RSPH14: variants seen among roughly 807,000 people sequenced by gnomAD.
RSPH14 encodes radial spoke head 14 homolog, also known as rhabdoid tumor deletion region gene 1.
RSPH14 carries 20 observed loss-of-function variants against 26.7 expected under a neutral mutation model. That is an observed-to-expected ratio of 0.75 (90% CI 0.53 to 1.09). The LOEUF is 1.09. RSPH14 is among the 50% of genes least tolerant of loss of function. The pLI, the probability that RSPH14 is intolerant of heterozygous loss-of-function variation, is 0.00. For synonymous variants in RSPH14, 177 were observed against 189.3 expected, an observed-to-expected ratio of 0.93 and a Z score of 0.53; for missense variants, 449 against 457.2, an observed-to-expected ratio of 0.98 and a Z score of 0.16.
At chr22:23,130,810 G>A (rs1001821769) in intron 4 of RSPH14, among the ~76,000 whole-genome samples, 2 of 152,248 alleles carry the variant, frequency 1.3e-5, no homozygotes, top group African/African-American at 4.8e-5. Context: ...CACCAGGACA[G>A]GGACAGTAAA....
chr22:23,117,507 C>G (rs1280666668), intron 4 of RSPH14, among the ~76,000 whole-genome samples: 1 of 152,228 alleles, frequency 6.6e-6, no homozygotes, highest in East Asian at 1.9e-4. Context: ...GTAGCCTTCC[C>G]TCAGCTGCCT....
At chr22:23,156,005 G>A in the RSPH14 span, 60 of 1,612,640 alleles carry the variant, frequency 3.7e-5, no homozygotes, top group South Asian at 5.5e-5. Flanking sequence ...CAAGTGCATC[G>A]CATCTGCCTA....
the RSPH14 span, among the ~76,000 whole-genome samples, chr22:23,164,725 T>C: frequency 6.6e-6 from 1 of 152,136 alleles, no homozygotes; most frequent in Non-Finnish European, 1.5e-5. Flanking sequence ...TCCTCTTCCC[T>C]GTTTCCCTGG....
the RSPH14 span, among the ~76,000 whole-genome samples, chr22:23,177,601 A>C: frequency 6.6e-6 from 1 of 152,086 alleles, no homozygotes; most frequent in African/African-American, 2.4e-5. Flanking sequence ...GGGATGGATG[A>C]TAAGAAAACT....
At chr22:23,146,051 C>T (rs992514754), upstream of RSPH14, 56 of 979,634 alleles carry the variant, frequency 5.7e-5, no homozygotes, top group Non-Finnish European at 6.3e-5. Context: ...AGGGGAGCTC[C>T]TCCTTGGTAG....
At chr22:23,147,272 G>A (rs1404113143), upstream of RSPH14, among the ~76,000 whole-genome samples, 1 of 152,152 alleles carries the variant, frequency 6.6e-6, no homozygotes, top group Non-Finnish European at 1.5e-5. Context: ...ATAGGGGGCA[G>A]TGGACAATAT....
chr22:23,177,647 C>T, the RSPH14 span, among the ~76,000 whole-genome samples: 55 of 152,260 alleles, frequency 3.6e-4, no homozygotes, highest in East Asian at 9.1e-3. Flanking sequence ...GATAGGGGTG[C>T]TTTCAGGGAA....
At chr22:23,099,144 AG>A (rs1160136969) in intron 4 of RSPH14, among the ~76,000 whole-genome samples, 1 of 152,178 alleles carries the variant, frequency 6.6e-6, no homozygotes, top group African/African-American at 2.4e-5. Flanking sequence ...AAGGAGCCAC[AG>A]CCCCCCGGCC....
At chr22:23,145,842 G>A (rs992547153), upstream of RSPH14, 6 of 400,012 alleles carry the variant, frequency 1.5e-5, no homozygotes, top group Non-Finnish European at 2.0e-5. Flanking sequence ...AGACAGAGGG[G>A]CTGTTGAGGA....
intron 4 of RSPH14, among the ~76,000 whole-genome samples, chr22:23,069,292 A>T (rs760350108): frequency 5.9e-5 from 9 of 152,208 alleles, no homozygotes; most frequent in Non-Finnish European, 1.2e-4. Flanking sequence ...TGAGGTGATA[A>T]GGAACGCGTT....
intron 4 of RSPH14, among the ~76,000 whole-genome samples, chr22:23,098,720 G>C (rs1360859600): frequency 6.6e-6 from 1 of 152,264 alleles, no homozygotes; most frequent in Non-Finnish European, 1.5e-5. Context: ...TGCTCTACCA[G>C]TAATATCTGG....
At chr22:23,111,823 G>C (rs2146364588) in intron 4 of RSPH14, among the ~76,000 whole-genome samples, 1 of 152,320 alleles carries the variant, frequency 6.6e-6, no homozygotes, top group Admixed American at 6.5e-5. Context: ...TGACAGCCCT[G>C]GTCCCTGACA....
At chr22:23,078,331 A>G (rs1367107627) in intron 4 of RSPH14, among the ~76,000 whole-genome samples, 2 of 152,216 alleles carry the variant, frequency 1.3e-5, no homozygotes, top group Non-Finnish European at 2.9e-5. Context: ...AGTGCCAGGC[A>G]TTGATTTCCT....
intron 4 of RSPH14, among the ~76,000 whole-genome samples, chr22:23,110,783 C>G (rs1051267755): frequency 4.6e-4 from 70 of 152,194 alleles, no homozygotes; most frequent in Admixed American, 3.3e-4. Context: ...GAGGAAGCAG[C>G]TGGCCTGGGA....
the RSPH14 span, among the ~76,000 whole-genome samples, chr22:23,165,025 C>T: frequency 6.6e-6 from 1 of 152,040 alleles, no homozygotes; most frequent in Non-Finnish European, 1.5e-5. Flanking sequence ...CCTCTGTGGA[C>T]ACCCCCACAG....
intron 4 of RSPH14, among the ~76,000 whole-genome samples, chr22:23,111,133 G>A (rs2069643125): frequency 6.6e-6 from 1 of 152,210 alleles, no homozygotes; most frequent in Non-Finnish European, 1.5e-5. Flanking sequence ...TCCTCCACCT[G>A]CTCTCACACT....
intron 4 of RSPH14, among the ~76,000 whole-genome samples, chr22:23,092,620 C>T (rs1333904012): frequency 3.3e-5 from 5 of 152,196 alleles, no homozygotes; most frequent in East Asian, 1.9e-4. Context: ...TCGTTGCCGG[C>T]GCACACTGAT....
intron 4 of RSPH14, among the ~76,000 whole-genome samples, chr22:23,101,254 G>A (rs2069295842): frequency 6.6e-6 from 1 of 152,206 alleles, no homozygotes; most frequent in Admixed American, 6.5e-5. Flanking sequence ...GCAGGGCTGA[G>A]ACTCTGGCTC....
the RSPH14 span, among the ~76,000 whole-genome samples, chr22:23,159,451 A>C: frequency 6.6e-6 from 1 of 152,224 alleles, no homozygotes; most frequent in African/African-American, 2.4e-5. Context: ...CGTCATCTCT[A>C]GAAGGAAGCT....
Sources: gnomAD v4.1 joint callset for allele counts (sites outside exome capture counted in the v4.1 genomes callset) on GRCh38, gnomAD v4.1.1 for gene constraint, MANE v1.5 for transcripts, NCBI Gene and HGNC (gene_info 2026-07-23, HGNC 2026-07-21) for gene names.